SNED1: variants seen among roughly 807,000 people sequenced by gnomAD.
The protein encoded by SNED1 is sushi, nidogen and EGF like domains 1, also known as sushi, nidogen and EGF-like domain-containing protein 1.
Under a neutral mutation model 166.7 loss-of-function variants are expected in SNED1, and 81 were observed. The observed-to-expected ratio is 0.49, with a 90% CI of 0.41 to 0.58. SNED1 has a LOEUF of 0.58. Ranked by LOEUF, SNED1 falls within the 20% of genes least tolerant of loss-of-function variation. SNED1 has a pLI of 0.00. For missense variants in SNED1, 1,604 were observed against 2,000.2 expected, an observed-to-expected ratio of 0.80 and a Z score of 3.78; for synonymous variants, 762 against 822.0, an observed-to-expected ratio of 0.93 and a Z score of 1.25.
chr2:241,020,521 T>A (rs2060739934), intron 1 of SNED1, among the ~76,000 whole-genome samples: 1 of 152,224 alleles, frequency 6.6e-6, no homozygotes, highest in Non-Finnish European at 1.5e-5. Context: ...CCATTTTTCT[T>A]GTAAATCCAA....
chr2:241,003,210 T>C (rs2060127182), intron 1 of SNED1, among the ~76,000 whole-genome samples: 1 of 149,656 alleles, frequency 6.7e-6, no homozygotes, highest in Non-Finnish European at 1.5e-5. Flanking sequence ...GGTTGCTCCT[T>C]AGTTTTCTTG....
chr2:241,087,156 C>T (rs1216794180), intron 29 of SNED1: 5 of 491,114 alleles, frequency 1.0e-5, no homozygotes, highest in Non-Finnish European at 1.8e-5. Flanking sequence ...TCAGAATGCA[C>T]ATTAAAATGG....
intron 1 of SNED1, among the ~76,000 whole-genome samples, chr2:241,012,624 C>T (rs1046096507): frequency 6.6e-6 from 1 of 152,128 alleles, no homozygotes; most frequent in Admixed American, 6.5e-5. Context: ...TGAATTTTTC[C>T]AGCCTTATTG....
chr2:241,088,262 A>T, intron 30 of SNED1, 103 bp from the exon 31 acceptor site: 1 of 815,390 alleles, frequency 1.2e-6, no homozygotes, highest in Non-Finnish European at 2.2e-6. Context: ...AATGTATGTG[A>T]GCTAAAGACA....
chr2:241,023,888 C>CTTTTTTTTTTTTTTTTTTT (rs34234341), intron 1 of SNED1, among the ~76,000 whole-genome samples: 10 of 91,994 alleles, frequency 1.1e-4, no homozygotes, highest in East Asian at 7.2e-4. Flanking sequence ...TTTTTTTTTC[C>CTTTTTTTTTTTTTTTTTTT]TTTTTTTTTT....
chr2:241,033,869 A>C lies in SNED1; in HGVS notation c.636A>C (p.Ala212=), dbSNP rs2061261329. The part of the protein sequence containing the change: ...GGNATGLGGI[A]AQAGFNAGDG... ...ACGCCACTGGCCTCGGGGGCATCGC[A>C]GCCCAGGTAGGCGAGTGCAGTCGGT... is the stretch of plus-strand genomic sequence containing the variant. Residue 212 remains alanine (A), a synonymous_variant, in exon 3 of 32, where the codon GCA becomes GCC. Coordinates refer to ENST00000310397, the MANE Select transcript of SNED1 (RefSeq NM_001080437.3). 6.2e-7 allele frequency: 1 copy of C among 1,601,038 alleles called. No homozygotes were observed. Among genetic ancestry groups the C allele is most frequent in the Non-Finnish European group, 8.5e-7 (1 of 1,174,740 alleles).
In SNED1 at chr2:241,052,365, C is replaced by T; in HGVS notation, c.1980C>T (p.Pro660=). ...SGRHCEIAPS[P]CFRSPCVNGG... ...CCTGCATTCTGGCAGCCCCCTCCCC[C>T]TGCTTCCGGAGCCCGTGTGTGAATG... The change falls in exon 15 of 32, where the codon CCC becomes CCT. Residue 660 remains proline, a synonymous_variant. Coordinates refer to ENST00000310397, the MANE Select transcript of SNED1 (RefSeq NM_001080437.3). 1.3e-6 allele frequency: 2 copies of T among 1,575,582 alleles called. No individual in the cohort carries two copies. The highest frequency in any genetic ancestry group is 1.3e-5 in the African/African-American group (1 of 74,434).
intron 29 of SNED1, among the ~76,000 whole-genome samples, chr2:241,082,940 C>T (rs144424132): frequency 2.5e-4 from 38 of 151,894 alleles, no homozygotes; most frequent in Non-Finnish European, 4.7e-4. Context: ...ATTTAGTCAA[C>T]AGATGACTTA....
chr2:241,045,167 A>G (rs1248746590), intron 8 of SNED1, among the ~76,000 whole-genome samples: 1 of 152,242 alleles, frequency 6.6e-6, no homozygotes, highest in Non-Finnish European at 1.5e-5. Context: ...GATCAAGTAA[A>G]TGGACAGACA....
chr2:241,034,573 C>G lies in SNED1; in HGVS notation c.648C>G (p.Gly216=), dbSNP rs1322067414. The G allele has an allele frequency of 3.1e-6, 5 of 1,595,350 alleles. No individual in the cohort carries two copies. In the African/African-American group the frequency reaches 5.4e-5, roughly 17 times the overall value. Residue 216 remains glycine (G), a synonymous_variant, in exon 4 of 32, where the codon GGC becomes GGG. Transcript: ENST00000310397. The stretch of plus-strand genomic sequence containing the variant: ...TGCCCCCACCCCACCCCCAGGCTGG[C>G]TTCAACGCAGGCGATGGGCAGCGTT... ...TGLGGIAAQA[G]FNAGDGQRYF...
At chr2:241,067,739 C>T in intron 21 of SNED1, 25 bp from the exon 22 acceptor site, 1 of 1,583,930 alleles carries the variant, frequency 6.3e-7, no homozygotes, top group Non-Finnish European at 8.6e-7. Context: ...GGGCCGGCAC[C>T]TGCTGAACAG....
In SNED1 at chr2:241,053,157, G is replaced by A; in HGVS notation, c.2088G>A (p.Val696=). 2 of 1,609,514 alleles carry A rather than the reference G, an allele frequency of 1.2e-6. No individual in the cohort carries two copies. Among genetic ancestry groups the A allele is most frequent in the Non-Finnish European group, 1.7e-6 (2 of 1,178,930 alleles). ...GYMGRRCQAE[V]DCGPPEEVKH... is the part of the protein sequence containing the mutation. ...ACAGGCTGCCGTGCCTTGCAGAGGT[G>A]GACTGCGGCCCCCCGGAGGAGGTGA... The change falls in exon 16 of 32, where the codon GTG becomes GTA. Residue 696 remains valine, a synonymous_variant. Transcript: ENST00000310397.
chr2:241,063,142 G>C (rs12994122), intron 17 of SNED1, among the ~76,000 whole-genome samples: 24,348 of 152,326 alleles, frequency 0.16, 1,992 homozygotes, highest in East Asian at 0.23. Context: ...TCAGGGCGCA[G>C]AGAAGGTGGG....
rs1256841037 is a variant in SNED1, at chr2:241,091,154, A to G, written c.*2-484A>G. 6.6e-6 allele frequency among the ~76,000 whole-genome samples: 1 copy of G among 152,154 alleles called. No individual in the cohort carries two copies. Among genetic ancestry groups the G allele is most frequent in the Non-Finnish European group, 1.5e-5 (1 of 68,036 alleles). On this transcript the variant is annotated intron_variant, in intron 31 of 31. Coordinates refer to ENST00000310397, the MANE Select transcript of SNED1 (RefSeq NM_001080437.3). This position sits in a 1 kb window ranked among gnomAD's most constrained non-coding sequence, Gnocchi z 4.1. ...TCAAATACTGACTTATAGAATACCT[A>G]TTCTTGAAATAATGGAGACAACACA...
intron 26 of SNED1, 33 bp downstream of exon 26, chr2:241,071,911 G>A: frequency 3.9e-6 from 6 of 1,541,444 alleles, no homozygotes; most frequent in Non-Finnish European, 3.5e-6. Context: ...CCACCTTGGT[G>A]GCCCACCCTC....
intron 1 of SNED1, among the ~76,000 whole-genome samples, chr2:241,022,513 C>A (rs1327890301): frequency 2.0e-5 from 3 of 152,142 alleles, no homozygotes; most frequent in Non-Finnish European, 4.4e-5. Context: ...CCTTGGCACC[C>A]TTGTCATGAC....
At chr2:241,053,907 A>G (rs939982033) in intron 16 of SNED1, among the ~76,000 whole-genome samples, 2 of 152,210 alleles carry the variant, frequency 1.3e-5, no homozygotes, top group Admixed American at 1.3e-4. Flanking sequence ...AGAGGAGTCC[A>G]AACTGTCCAT....
chr2:241,008,489 TG>T (rs1014518778), intron 1 of SNED1, among the ~76,000 whole-genome samples: 3 of 152,032 alleles, frequency 2.0e-5, no homozygotes, highest in Admixed American at 2.0e-4. Flanking sequence ...TGACTGGTGG[TG>T]GGGGTGGAAG....
In SNED1 at chr2:241,040,370, C is replaced by T. The variant is rs934100879; in HGVS notation, c.1230C>T (p.Thr410=). The T allele has an allele frequency of 2.5e-6, 4 of 1,608,138 alleles. No homozygotes were observed. Among genetic ancestry groups the T allele is most frequent in the Non-Finnish European group, 3.4e-6 (4 of 1,177,434 alleles). Residue 410 remains threonine, a synonymous_variant, in exon 8 of 32, where the codon ACC becomes ACT. Coordinates refer to ENST00000310397, the MANE Select transcript of SNED1 (RefSeq NM_001080437.3). ...GSCVDLVGNY[T]CLCAEPFKGL... ...GTGTTGACCTAGTGGGGAATTACAC[C>T]TGCTTGTGTGCCGAGCCCTTCAAGG...
Sources: allele counts gnomAD v4.1 joint callset (sites outside exome capture counted in the v4.1 genomes callset), GRCh38; gene constraint gnomAD v4.1.1; non-coding constraint Gnocchi (gnomAD v3.1); transcripts MANE v1.5; gene names NCBI Gene and HGNC (gene_info 2026-07-23, HGNC 2026-07-21).